Variants in ADAMTS20 observed in about 807,000 individuals in gnomAD.
ADAMTS20 encodes ADAM metallopeptidase with thrombospondin type 1 motif 20.
ADAMTS20 carries 225 observed loss-of-function variants against 260.1 expected under a neutral mutation model. The ratio of observed to expected loss-of-function variants is 0.87; its 90% CI spans 0.78 to 0.97. The LOEUF is 0.97. Among genes scored for constraint, ADAMTS20 ranks in the 50% least tolerant of loss-of-function variants. ADAMTS20 has a pLI of 0.00. For synonymous variants in ADAMTS20, 802 were observed against 769.5 expected, an observed-to-expected ratio of 1.04 and a Z score of -0.70; for missense variants, 2,400 against 2,337.7, an observed-to-expected ratio of 1.03 and a Z score of -0.55.
chr12:43,360,269 T>A (rs2088867), intron 37 of ADAMTS20, among the ~76,000 whole-genome samples: 1 of 151,762 alleles, frequency 6.6e-6, no homozygotes, highest in Non-Finnish European at 1.5e-5. Context: ...GCCAACAGGG[T>A]GAAACCCTGT....
intron 28 of ADAMTS20, among the ~76,000 whole-genome samples, chr12:43,419,291 T>A (rs927415230): frequency 1.3e-5 from 2 of 151,842 alleles, no homozygotes; most frequent in African/African-American, 4.8e-5. Flanking sequence ...GATCAAAAAA[T>A]TAAAAATCAA....
chr12:43,371,212 T>C (rs1940100538), intron 36 of ADAMTS20, among the ~76,000 whole-genome samples: 1 of 152,218 alleles, frequency 6.6e-6, no homozygotes, highest in Non-Finnish European at 1.5e-5. Flanking sequence ...ATGCTTTTGT[T>C]CATGCTTCTC....
At chr12:43,368,053 C>A (rs1247823674) in intron 37 of ADAMTS20, among the ~76,000 whole-genome samples, 2 of 152,024 alleles carry the variant, frequency 1.3e-5, no homozygotes, top group Non-Finnish European at 2.9e-5. Context: ...TTGTCTCTCA[C>A]TCTTTTCCTG....
chr12:43,447,183 C>CAA (rs61472345), intron 14 of ADAMTS20, among the ~76,000 whole-genome samples: 18 of 146,120 alleles, frequency 1.2e-4, no homozygotes, highest in East Asian at 6.0e-4. Flanking sequence ...AGAGACACGA[C>CAA]AAAAAAAAAA....
rs568259753 is a variant in ADAMTS20 at position 43,394,749 on chromosome 12, C to T, written c.4452+4317G>A. 2.9e-4 allele frequency among the ~76,000 whole-genome samples: 44 copies of T among 152,056 alleles called. No homozygotes were observed. In the South Asian group the frequency reaches 5.6e-3, roughly 19 times the overall value. ...ATGTATAATGATATTAATGGGATAA[C>T]GATAACTAGTATAATGGAGAAAGCT... On this transcript the variant is annotated intron_variant, in intron 29 of 38. Coordinates refer to ENST00000389420, the MANE Select transcript of ADAMTS20 (RefSeq NM_025003.5).
intron 33 of ADAMTS20, 82 bp downstream of exon 33, chr12:43,376,442 T>A (rs940324013): frequency 2.0e-6 from 3 of 1,483,570 alleles, no homozygotes; most frequent in Non-Finnish European, 2.7e-6. Context: ...TTTTGTGGAG[T>A]GTGAAACTAC....
chr12:43,450,387 T>C (rs1022026138), intron 14 of ADAMTS20, among the ~76,000 whole-genome samples: 1 of 152,188 alleles, frequency 6.6e-6, no homozygotes, highest in African/African-American at 2.4e-5. Context: ...GCAGATATTT[T>C]CAAAATCAAA....
intron 7 of ADAMTS20, among the ~76,000 whole-genome samples, chr12:43,469,983 C>T (rs1942223580): frequency 6.6e-6 from 1 of 152,056 alleles, no homozygotes. Context: ...CAAGGTCCCT[C>T]CAGAAAACGA....
At chr12:43,539,365 C>T (rs922307219) in intron 2 of ADAMTS20, among the ~76,000 whole-genome samples, 7 of 152,134 alleles carry the variant, frequency 4.6e-5, no homozygotes, top group Non-Finnish European at 7.3e-5. Context: ...ATATAGTGTG[C>T]TAATGTGTTA....
At chr12:43,371,239 AT>A (rs1216799147) in intron 36 of ADAMTS20, among the ~76,000 whole-genome samples, 21 of 152,010 alleles carry the variant, frequency 1.4e-4, no homozygotes, top group African/African-American at 4.8e-4. Flanking sequence ...CCTAAAACTC[AT>A]TTTTTTGCCT....
At chr12:43,431,256 G>T in intron 22 of ADAMTS20, 76 bp downstream of exon 22, 1 of 1,453,086 alleles carries the variant, frequency 6.9e-7, no homozygotes, top group South Asian at 1.3e-5. Flanking sequence ...CACTAAGGGA[G>T]GAGTAAATAT....
chr12:43,444,076 G>A (rs1337980093), intron 15 of ADAMTS20, among the ~76,000 whole-genome samples, 193 bp from the exon 16 acceptor site: 1 of 152,082 alleles, frequency 6.6e-6, no homozygotes, highest in East Asian at 1.9e-4. Context: ...AAAAGTGGTT[G>A]TTGTCAAGAA....
intron 15 of ADAMTS20, among the ~76,000 whole-genome samples, chr12:43,444,725 T>G (rs889129134): frequency 6.6e-6 from 1 of 152,192 alleles, no homozygotes; most frequent in Non-Finnish European, 1.5e-5. Flanking sequence ...TTCCTTTTCC[T>G]TATTTATTAG....
rs181272702 is a variant in ADAMTS20 at position 43,356,550 on chromosome 12, C to G, written c.5577G>C (p.Lys1859Asn). 3.1e-6 allele frequency: 5 copies of G among 1,612,134 alleles called. No individual in the cohort carries two copies. In the Admixed American group the frequency reaches 6.7e-5, roughly 22 times the overall value. ...TGAGCCACTTTGCTGTGCTGGATAT[C>G]TTCATCCCAGTTCCTGACAAATTAA... ...FSINLSGTGM[K>N]ISSTAKWLTQ... The change falls in exon 38 of 39, where the codon AAG becomes AAC. Residue 1859 changes from lysine (K) to asparagine (N), a missense_variant. By Grantham distance (94) the Lys-to-Asn change is moderately conservative. Transcript: ENST00000389420.
At position 43,445,611 on chromosome 12, in the gene ADAMTS20, G is replaced by A. The variant is rs533096749; in HGVS notation, c.2197+984C>T. Among the ~76,000 whole-genome samples, 59 of 152,132 alleles carry A rather than the reference G, an allele frequency of 3.9e-4. No homozygotes were observed. In the South Asian group the frequency reaches 9.3e-3, roughly 24 times the overall value. On this transcript the variant is annotated intron_variant, in intron 15 of 38. Coordinates refer to ENST00000389420, the MANE Select transcript of ADAMTS20 (RefSeq NM_025003.5). ...TGTAATTTCAGGACTTTGGGAGGCC[G>A]AGATGGAAGGATCCCTTGAGGCTAG...
intron 28 of ADAMTS20, among the ~76,000 whole-genome samples, chr12:43,407,282 A>G (rs1470862135): frequency 1.3e-5 from 2 of 151,906 alleles, no homozygotes; most frequent in Non-Finnish European, 2.9e-5. Context: ...CCAAATGATT[A>G]ACAACAAATA....
At chr12:43,522,593 A>G (rs548524366) in intron 3 of ADAMTS20, among the ~76,000 whole-genome samples, 1 of 152,048 alleles carries the variant, frequency 6.6e-6, no homozygotes, top group South Asian at 2.1e-4. Flanking sequence ...CTGCCCTTAG[A>G]GACAAGCCAT....
At chr12:43,415,552 G>A (rs1354997633) in intron 28 of ADAMTS20, among the ~76,000 whole-genome samples, 1 of 152,070 alleles carries the variant, frequency 6.6e-6, no homozygotes. Flanking sequence ...GAGCCTTTAT[G>A]TCACAGGCCC....
chr12:43,452,127 T>C (rs375279283), intron 14 of ADAMTS20, 147 bp downstream of exon 14: 23 of 788,608 alleles, frequency 2.9e-5, no homozygotes, highest in Non-Finnish European at 4.0e-5. Flanking sequence ...CATACTTCTA[T>C]AGATAGCATG....
Sources: allele counts gnomAD v4.1 joint callset (sites outside exome capture counted in the v4.1 genomes callset), GRCh38; gene constraint gnomAD v4.1.1; transcripts MANE v1.5; gene names NCBI Gene and HGNC (gene_info 2026-07-23, HGNC 2026-07-21).